Variants in USP33 observed in about 807,000 individuals in gnomAD.
USP33 encodes ubiquitin specific peptidase 33, also known as ubiquitin carboxyl-terminal hydrolase 33.
USP33 carries 46 observed loss-of-function variants against 124.2 expected under a neutral mutation model. The ratio of observed to expected loss-of-function variants is 0.37; its 90% confidence interval spans 0.29 to 0.47. The LOEUF is 0.47. USP33 is among the 20% of genes least tolerant of loss of function. The probability of loss-of-function intolerance (pLI) is 0.99; values close to 1 mark genes in which losing one functional copy is unlikely to be tolerated. For synonymous variants in USP33, 350 were observed against 352.3 expected (o/e 0.99, Z 0.07); for missense variants, 851 against 1,070.6 (o/e 0.79, Z 2.86).
At chr1:77,732,839 G>A (rs889571230) in intron 7 of USP33, among the ~76,000 whole-genome samples, 56 of 147,266 alleles carry the variant, frequency 3.8e-4, no homozygotes, top group Middle Eastern at 3.5e-3. Flanking sequence ...TGTCACCTGG[G>A]CTAGAGTGCA....
intron 9 of USP33, 43 bp from the exon 10 acceptor site, chr1:77,728,755 GTA>G: frequency 6.4e-7 from 1 of 1,563,474 alleles, no homozygotes. Flanking sequence ...CATTACATGT[GTA>G]TATAGAAACG....
intron 1 of USP33, among the ~76,000 whole-genome samples, chr1:77,754,632 T>C (rs1007976763): frequency 6.6e-6 from 1 of 152,222 alleles, no homozygotes. Context: ...TACCTAATCA[T>C]TCTTAATTTT....
chr1:77,720,194 A>AAC (rs1676428135), intron 15 of USP33: 1 of 322,228 alleles, frequency 3.1e-6, no homozygotes, highest in Non-Finnish European at 4.2e-6. Flanking sequence ...AAAAAAAAAA[A>AAC]CCTTTATTCT....
intron 5 of USP33, among the ~76,000 whole-genome samples, chr1:77,738,400 GAATTCT>G (rs1275184493): frequency 2.6e-5 from 4 of 152,058 alleles, no homozygotes; most frequent in Admixed American, 2.6e-4. Context: ...ATGACTTTAA[GAATTCT>G]GAAAATTAAG....
chr1:77,702,737 A>T (rs1183565458), intron 21 of USP33, among the ~76,000 whole-genome samples: 1 of 152,116 alleles, frequency 6.6e-6, no homozygotes, highest in Non-Finnish European at 1.5e-5. Context: ...CTGGTTTTTC[A>T]ATTTTTATTC....
chr1:77,725,486 C>A, intron 11 of USP33, 136 bp downstream of exon 11: 1 of 1,271,262 alleles, frequency 7.9e-7, no homozygotes, highest in African/African-American at 1.5e-5. Flanking sequence ...TTAATCATGT[C>A]TATGTAAAAT....
chr1:77,737,859 C>A (rs758141380), intron 5 of USP33, among the ~76,000 whole-genome samples: 1 of 152,094 alleles, frequency 6.6e-6, no homozygotes, highest in African/African-American at 2.4e-5. Flanking sequence ...ATTATTAGTT[C>A]CTTGTGTGAT....
Position 77,711,743 on chromosome 1 carries a change from T to G in USP33, c.2406+4A>C, listed in dbSNP as rs570240879. 5.0e-6 allele frequency: 8 copies of G among 1,602,988 alleles called. No individual in the cohort carries two copies. Among genetic ancestry groups the G allele is most frequent in the Non-Finnish European group, 6.8e-6 (8 of 1,177,742 alleles). ...GATCAATTTGAAAAGCATCACTTTT[T>G]TACCCGAATAAAAATTTCCAATTCA... On this transcript the variant is annotated splice_donor_region_variant and intron_variant, in intron 21 of 23. Transcript: ENST00000370794.
intron 19 of USP33, chr1:77,713,547 G>C: frequency 4.4e-6 from 1 of 226,204 alleles, no homozygotes; most frequent in South Asian, 1.1e-4. Flanking sequence ...AACACACCCA[G>C]CTAACTTTTC....
chr1:77,711,716 T>C (rs1392719984), intron 21 of USP33, 31 bp downstream of exon 21: 2 of 1,595,502 alleles, frequency 1.3e-6, no homozygotes, highest in Non-Finnish European at 8.5e-7. Context: ...ATCTTTATCC[T>C]AGATCAATTT....
At chr1:77,724,514 A>G (rs899163574) in intron 11 of USP33, among the ~76,000 whole-genome samples, 2 of 152,184 alleles carry the variant, frequency 1.3e-5, no homozygotes, top group Admixed American at 6.5e-5. Context: ...GAACTCCCAT[A>G]TATACCTGGA....
chr1:77,730,581 AG>A, intron 8 of USP33, 36 bp downstream of exon 8: 3 of 1,376,316 alleles, frequency 2.2e-6, no homozygotes, highest in Non-Finnish European at 2.9e-6. Flanking sequence ...TTCATTTAAA[AG>A]TTTAATAAAG....
intron 7 of USP33, among the ~76,000 whole-genome samples, chr1:77,732,555 CTAT>C (rs1677945857): frequency 6.6e-6 from 1 of 152,176 alleles, no homozygotes; most frequent in Admixed American, 6.5e-5. Context: ...TATCGTACTA[CTAT>C]GAGAATAAAG....
intron 1 of USP33, among the ~76,000 whole-genome samples, chr1:77,742,915 A>ATTAT (rs531632530): frequency 0.1 from 15,099 of 147,652 alleles, 1,084 homozygotes; most frequent in African/African-American, 0.21. Flanking sequence ...TCTGCCTTTT[A>ATTAT]TTATTTATTT....
chr1:77,722,194 C>A lies in USP33; in HGVS notation c.1392G>T (p.Val464=). ...SSVQCLTCDR[V]SVTLETFQDL... The stretch of plus-strand genomic sequence containing the variant: ...CTTGAAAGGTCTCGAGGGTTACAGA[C>A]ACCTAAAATTGTTTTGTGTTTTAAA... Residue 464 remains valine (V), a splice_region_variant and synonymous_variant, in exon 13 of 24, where the codon GTG becomes GTT. Transcript: ENST00000370794. 2 of 1,604,756 alleles carry A rather than the reference C, an allele frequency of 1.2e-6. No individual in the cohort carries two copies. The highest frequency in any genetic ancestry group is 1.7e-6 in the Non-Finnish European group (2 of 1,176,490).
chr1:77,718,469 A>T, intron 16 of USP33, 127 bp downstream of exon 16: 1 of 777,990 alleles, frequency 1.3e-6, no homozygotes, highest in Non-Finnish European at 2.1e-6. Flanking sequence ...GAATAATCTT[A>T]AAAAGGCATG....
intron 1 of USP33, among the ~76,000 whole-genome samples, chr1:77,745,258 G>A (rs534995783): frequency 2.6e-5 from 4 of 152,096 alleles, no homozygotes; most frequent in South Asian, 4.2e-4. Flanking sequence ...CTGCTTTTTT[G>A]TTTTCCATTT....
chr1:77,711,796 G>T lies in USP33; in HGVS notation c.2357C>A (p.Ala786Glu). 2 of 1,608,136 alleles carry T rather than the reference G, an allele frequency of 1.2e-6. No homozygotes were observed. The highest frequency in any genetic ancestry group is 1.1e-5 in the South Asian group (1 of 89,858). The change falls in exon 21 of 24, where the codon GCG (alanine) becomes GAG (glutamate). Residue 786 changes from alanine (A) to glutamate (E), a missense_variant. By Grantham distance (107) the Ala-to-Glu change is moderately radical (BLOSUM62 -1). Coordinates refer to ENST00000370794, the MANE Select transcript of USP33 (RefSeq NM_201624.3). ...TTTTCTTCTTTTTTCAATTTTCTCC[G>T]CCTCAATTTGGCAAGTATGACAAAT... ...LYICHTCQIE[A>E]EKIEKRRKTE...
At position 77,701,387 on chromosome 1, in the gene USP33, C is replaced by G. The variant is rs773657968; in HGVS notation, c.2491G>C (p.Val831Leu). The G allele has an allele frequency of 6.2e-7, 1 of 1,610,240 alleles. No homozygotes were observed. The highest frequency in any genetic ancestry group is 8.5e-7 in the Non-Finnish European group (1 of 1,179,084). The change falls in exon 22 of 24, where the codon GTG (valine) becomes CTG (leucine). Residue 831 changes from valine to leucine, a missense_variant. This residue lies in a region of USP33 where 142 missense variants were observed against 141.8 expected (regional missense o/e 1.00). Transcript: ENST00000370794. ...CACTTACCTCCATCTTTACCCTTCA[C>G]AAAACTTTCCCATTCTCTAAACCAC... The part of the protein sequence containing the change: ...MQWFREWESF[V>L]KGKDGDPPGP...
Sources: gnomAD v4.1 joint callset for allele counts (sites outside exome capture counted in the v4.1 genomes callset) on GRCh38, gnomAD v4.1.1 for gene constraint, gnomAD v4.1.1 regional missense constraint, MANE v1.5 for transcripts, NCBI Gene and HGNC (gene_info 2026-07-23, HGNC 2026-07-21) for gene names.